GPAM: variants seen among roughly 807,000 people sequenced by gnomAD.
The protein encoded by GPAM is glycerol-3-phosphate acyltransferase, mitochondrial.
Under a neutral mutation model 105.0 loss-of-function variants are expected in GPAM, and 56 were observed. The observed-to-expected ratio is 0.53, with a 90% CI of 0.43 to 0.67. GPAM has a LOEUF of 0.67. Among genes scored for constraint, GPAM ranks in the 30% least tolerant of loss-of-function variants. GPAM has a pLI of 0.00. For synonymous variants in GPAM, 368 were observed against 354.4 expected (o/e 1.04, Z -0.43); for missense variants, 855 against 989.8 (o/e 0.86, Z 1.83).
upstream of GPAM, among the ~76,000 whole-genome samples, chr10:112,185,559 CACACACACACAG>C (rs1268523108): frequency 2.3e-5 from 3 of 128,554 alleles, no homozygotes; most frequent in African/African-American, 9.0e-5. Context: ...AACACCCTAA[CACACACACACAG>C]ACACACACAC....
At chr10:112,193,653 T>C (rs1847689348) in intron 1 of GPAM, among the ~76,000 whole-genome samples, 4 of 152,204 alleles carry the variant, frequency 2.6e-5, no homozygotes, top group Non-Finnish European at 1.5e-5. Context: ...TACCTGATAC[T>C]AAAGCCCAAA....
Position 112,151,292 on chromosome 10 carries a change from T to C in GPAM, c.*2258A>G. 2.0e-6 allele frequency: 2 copies of C among 985,690 alleles called. No homozygotes were observed. Among genetic ancestry groups the C allele is most frequent in the Non-Finnish European group, 2.4e-6 (2 of 829,800 alleles). 61.1% of individuals were successfully genotyped at this position (985,690 alleles called of 1,614,324 possible). On this transcript the variant is annotated 3_prime_UTR_variant, in exon 22 of 22. Coordinates refer to ENST00000348367, the MANE Select transcript of GPAM (RefSeq NM_001244949.2). ...AATGTATCTTTTAGCAAAACGGTGC[T>C]ATCTGGAAGCTTCATTGTGAAGATG...
the GPAM span, among the ~76,000 whole-genome samples, chr10:112,226,364 C>A: frequency 4.5e-4 from 69 of 152,074 alleles, no homozygotes; most frequent in Non-Finnish European, 8.5e-4. Flanking sequence ...CAGAGCACAA[C>A]AATTAGAACA....
chr10:112,168,276 G>C (rs748672823), intron 11 of GPAM, 36 bp downstream of exon 11: 16 of 1,181,346 alleles, frequency 1.4e-5, no homozygotes, highest in Non-Finnish European at 2.0e-5. Context: ...TAAAAGACTT[G>C]ATAAGCAAAG....
chr10:112,178,754 T>C (rs916905413), intron 4 of GPAM, among the ~76,000 whole-genome samples: 2 of 152,032 alleles, frequency 1.3e-5, no homozygotes, highest in Admixed American at 1.3e-4. Flanking sequence ...TCTCCCAAAA[T>C]CCCTGACACA....
rs143066466 is a variant in GPAM, at chr10:112,163,732, C to G, written c.1392G>C (p.Leu464Phe). The change falls in exon 14 of 22, where the codon TTG becomes TTC. Residue 464 changes from leucine (L) to phenylalanine (F), a missense_variant. Leu to Phe is a conservative substitution (Grantham distance 22, BLOSUM62 0). Transcript: ENST00000348367. ...GAATATGCTCAGCCAGATTTGCAAT[C>G]AACCTCCTTCGTAGGGATTCATCTG... Reference protein sequence around the residue: ...NATDESLRRRLIANLAEHILF... With the variant: ...NATDESLRRRFIANLAEHILF... 5.0e-6 allele frequency: 8 copies of G among 1,584,718 alleles called. No homozygotes were observed. The highest frequency in any genetic ancestry group is 6.9e-6 in the Non-Finnish European group (8 of 1,153,218).
intron 1 of GPAM, among the ~76,000 whole-genome samples, chr10:112,201,328 A>C (rs565987649): frequency 6.6e-6 from 1 of 152,218 alleles, no homozygotes. Flanking sequence ...AATATCATAG[A>C]ATAAGGTCAA....
intron 9 of GPAM, among the ~76,000 whole-genome samples, chr10:112,171,577 C>T (rs947231215): frequency 1.4e-4 from 22 of 152,168 alleles, no homozygotes; most frequent in Non-Finnish European, 2.9e-4. Context: ...CCTAATGCAT[C>T]CCATATTCCC....
intron 14 of GPAM, among the ~76,000 whole-genome samples, chr10:112,161,982 G>A (rs1016754476): frequency 1.3e-5 from 2 of 152,124 alleles, no homozygotes; most frequent in African/African-American, 4.8e-5. Flanking sequence ...TTCAATCCAG[G>A]CCAGTGGAAT....
intron 1 of GPAM, among the ~76,000 whole-genome samples, chr10:112,202,702 G>A (rs1847811743): frequency 6.6e-6 from 1 of 152,154 alleles, no homozygotes. Context: ...ATAGTACCAA[G>A]CCACTCTGTT....
Position 112,151,063 on chromosome 10 carries a change from G to T in GPAM, c.*2487C>A. The T allele has an allele frequency of 1.0e-5, 10 of 984,652 alleles. No individual in the cohort carries two copies. Among genetic ancestry groups the T allele is most frequent in the Non-Finnish European group, 1.2e-5 (10 of 829,388 alleles). The allele number at this position is 984,652 out of a possible 1,614,324, so 61.0% of individuals were successfully genotyped here. A position where few individuals can be genotyped will look rare whatever the true frequency, so the allele number is the denominator to read the frequency against. On this transcript the variant is annotated 3_prime_UTR_variant, in exon 22 of 22. Coordinates refer to ENST00000348367, the MANE Select transcript of GPAM (RefSeq NM_001244949.2). ...TCCCTCCTCTCTTCTGAATCACTTAGGACATTCTCATTTTCAAAAACAGAC... is the reference window on the plus strand; with the variant it reads ...TCCCTCCTCTCTTCTGAATCACTTATGACATTCTCATTTTCAAAAACAGAC...
At chr10:112,206,620 G>A (rs1847853285) in intron 1 of GPAM, among the ~76,000 whole-genome samples, 1 of 121,628 alleles carries the variant, frequency 8.2e-6, no homozygotes, top group Non-Finnish European at 1.6e-5. Flanking sequence ...ATTGAACAAT[G>A]AGATCACATG....
At chr10:112,154,499 C>T (rs910180331) in intron 21 of GPAM, 130 bp downstream of exon 21, 15 of 723,226 alleles carry the variant, frequency 2.1e-5, no homozygotes, top group Non-Finnish European at 3.0e-5. Flanking sequence ...CCCAAAAATG[C>T]CTTTATCATT....
At chr10:112,214,135 C>A (rs1016212073) in intron 1 of GPAM, among the ~76,000 whole-genome samples, 2 of 152,124 alleles carry the variant, frequency 1.3e-5, no homozygotes, top group African/African-American at 4.8e-5. Context: ...ACAGACTCAT[C>A]CCACTGTGGC....
chr10:112,168,645 T>C, intron 10 of GPAM, 121 bp from the exon 11 acceptor site: 1 of 756,118 alleles, frequency 1.3e-6, no homozygotes, highest in South Asian at 1.5e-5. Flanking sequence ...TGACAAAGTA[T>C]CTTATTCACA....
chr10:112,216,341 C>T (rs1019169229), upstream of GPAM, among the ~76,000 whole-genome samples: 3 of 152,322 alleles, frequency 2.0e-5, no homozygotes, highest in South Asian at 4.1e-4. Context: ...TCCCTGCCCT[C>T]CCAAAACAAT....
At chr10:112,206,987 A>T (rs1278314019) in intron 1 of GPAM, among the ~76,000 whole-genome samples, 1 of 152,222 alleles carries the variant, frequency 6.6e-6, no homozygotes, top group Non-Finnish European at 1.5e-5. Flanking sequence ...TACAAAGCCT[A>T]ATACAGTGCC....
At position 112,151,803 on chromosome 10, in the gene GPAM, G is replaced by A. The variant is rs1846924832; in HGVS notation, c.*1747C>T. On this transcript the variant is annotated 3_prime_UTR_variant, in exon 22 of 22. Transcript: ENST00000348367. ...GATAAGGAACACCCAAGACTCCCTG[G>A]GTATCCTCCAAATGTAGCCAAGAAA... 2.0e-6 allele frequency: 2 copies of A among 984,476 alleles called. No homozygotes were observed. The highest frequency in any genetic ancestry group is 6.1e-5 in the Admixed American group (1 of 16,268). 61.0% of individuals were successfully genotyped at this position (984,476 alleles called of 1,614,324 possible). A position where few individuals can be genotyped will look rare whatever the true frequency, so the allele number is the denominator to read the frequency against.
the GPAM span, among the ~76,000 whole-genome samples, chr10:112,224,475 T>G: frequency 6.6e-6 from 1 of 152,070 alleles, no homozygotes; most frequent in Non-Finnish European, 1.5e-5. Flanking sequence ...AGGTTTAAAT[T>G]TCCTCCACTG....
Sources: gnomAD v4.1 joint callset for allele counts (sites outside exome capture counted in the v4.1 genomes callset) on GRCh38, gnomAD v4.1.1 for gene constraint, MANE v1.5 for transcripts, NCBI Gene and HGNC (gene_info 2026-07-23, HGNC 2026-07-21) for gene names.